Variants in QRSL1 observed in about 807,000 individuals in gnomAD.
The protein encoded by QRSL1 is glutaminyl-tRNA amidotransferase subunit QRSL1.
QRSL1 carries 54 observed loss-of-function variants against 61.6 expected under a neutral mutation model. The ratio of observed to expected loss-of-function variants is 0.88; its 90% confidence interval spans 0.70 to 1.10. QRSL1 has a LOEUF of 1.10. QRSL1 is among the 50% of genes least tolerant of loss of function. QRSL1 has a pLI of 0.00. For synonymous variants in QRSL1, 228 were observed against 225.7 expected, an observed-to-expected ratio of 1.01 and a Z score of -0.09; for missense variants, 505 against 622.6, an observed-to-expected ratio of 0.81 and a Z score of 2.01.
At chr6:106,646,469 A>G (rs539623175) in intron 4 of QRSL1, among the ~76,000 whole-genome samples, 1 of 152,162 alleles carries the variant, frequency 6.6e-6, no homozygotes, top group Non-Finnish European at 1.5e-5. Flanking sequence ...GATAAGAGAT[A>G]AAGAAAGTAA....
At chr6:106,631,356 AAG>A (rs1192370138) in intron 1 of QRSL1, among the ~76,000 whole-genome samples, 1 of 152,262 alleles carries the variant, frequency 6.6e-6, no homozygotes, top group East Asian at 1.9e-4. Flanking sequence ...AAGTAACAGA[AAG>A]AGACTCTAAA....
chr6:106,648,281 C>A (rs1039764694), intron 4 of QRSL1, among the ~76,000 whole-genome samples: 8 of 151,432 alleles, frequency 5.3e-5, no homozygotes, highest in African/African-American at 1.7e-4. Context: ...GCCAGTAGAG[C>A]GAGACTCGTC....
chr6:106,652,920 G>A, intron 7 of QRSL1: 2 of 601,030 alleles, frequency 3.3e-6, no homozygotes, highest in Non-Finnish European at 5.5e-6. Flanking sequence ...TGAGAAAGCA[G>A]CCACAGACAA....
At chr6:106,654,659 C>T (rs1488502009) in intron 7 of QRSL1, 71 bp from the exon 8 acceptor site, 2 of 1,298,198 alleles carry the variant, frequency 1.5e-6, no homozygotes, top group Non-Finnish European at 2.1e-6. Flanking sequence ...ATCATCTATA[C>T]AGATGAAGTA....
intron 1 of QRSL1, among the ~76,000 whole-genome samples, chr6:106,637,088 C>T (rs1187163228): frequency 6.6e-6 from 1 of 152,220 alleles, no homozygotes; most frequent in Non-Finnish European, 1.5e-5. Flanking sequence ...AGAGTTCCAT[C>T]TGGAGCTCCA....
At chr6:106,652,118 TAC>T (rs1777195075) in intron 5 of QRSL1, 89 bp from the exon 6 acceptor site, 1 of 1,280,546 alleles carries the variant, frequency 7.8e-7, no homozygotes, top group Non-Finnish European at 1.1e-6. Flanking sequence ...CAGAGGAAAA[TAC>T]AGTTTAAAAA....
intron 1 of QRSL1, among the ~76,000 whole-genome samples, chr6:106,632,389 T>C (rs537444234): frequency 6.7e-6 from 1 of 149,342 alleles, no homozygotes; most frequent in East Asian, 1.9e-4. Flanking sequence ...TTTTTAATTA[T>C]TTTTTTTTTA....
At position 106,636,566 on chromosome 6, in the gene QRSL1, G is replaced by A. The variant is rs183599603; in HGVS notation, c.25-3783G>A. 1.7e-3 allele frequency among the ~76,000 whole-genome samples: 263 copies of A among 152,128 alleles called. 1 individual carries two copies. Among genetic ancestry groups the A allele is most frequent in the African/African-American group, 6.0e-3 (250 of 41,498 alleles). On this transcript the variant is annotated intron_variant, in intron 1 of 10. Transcript: ENST00000369046. ...GATCTCTTGACCTTGTAATCTGCCC[G>A]CCTTGGCCTCCCAAAGTGCTGGGAT... is the stretch of plus-strand genomic sequence containing the variant.
rs568540987 is a variant in QRSL1, at chr6:106,632,378, A to G, written c.24+2673A>G. Among the ~76,000 whole-genome samples, 32 of 151,498 alleles carry G rather than the reference A, an allele frequency of 2.1e-4. No homozygotes were observed. The South Asian group carries it at 6.7e-3, about 32-fold the overall frequency. On this transcript the variant is annotated intron_variant, in intron 1 of 10. Coordinates refer to ENST00000369046, the MANE Select transcript of QRSL1 (RefSeq NM_018292.5). ...ATGGTAGTTCTATTTTTATTTATTT[A>G]TTTTTAATTATTTTTTTTTTAGAGA...
rs139097179 is a variant in QRSL1 at position 106,654,743 on chromosome 6, C to G, written c.863C>G (p.Pro288Arg). Reference sequence around the variant, plus strand: ...TTTTGCTATAAGGAATATCTTGTACCGGAATTATCAAGTGAAGTACAGTCT... The same window carrying G: ...TTTTGCTATAAGGAATATCTTGTACGGGAATTATCAAGTGAAGTACAGTCT... ...CIGIPKEYLVPELSSEVQSLW... is the reference protein window; with the variant it reads ...CIGIPKEYLVRELSSEVQSLW... Residue 288 changes from proline (P) to arginine (R), a missense_variant, in exon 8 of 11, where the codon CCG becomes CGG. Transcript: ENST00000369046. 6.2e-7 allele frequency: 1 copy of G among 1,609,336 alleles called. No homozygotes were observed. Among genetic ancestry groups the G allele is most frequent in the East Asian group, 2.2e-5 (1 of 44,846 alleles).
At chr6:106,640,656 T>C in intron 2 of QRSL1, 148 bp downstream of exon 2, 1 of 955,684 alleles carries the variant, frequency 1.0e-6, no homozygotes, top group African/African-American at 1.7e-5. Context: ...ATGAGGGTAA[T>C]GGCTATGTGA....
chr6:106,654,873 C>T lies in QRSL1; in HGVS notation c.993C>T (p.Cys331=), dbSNP rs779438576. ...SYSIVCYHVL[C]TSEVASNMAR... The stretch of plus-strand genomic sequence containing the variant: ...CAATTGTCTGCTACCATGTATTGTG[C>T]ACATCAGAAGTGGCATCGAATATGG... Residue 331 remains cysteine, a synonymous_variant, in exon 8 of 11, where the codon TGC becomes TGT. Coordinates refer to ENST00000369046, the MANE Select transcript of QRSL1 (RefSeq NM_018292.5). The T allele has an allele frequency of 1.2e-6, 2 of 1,612,960 alleles. No homozygotes were observed. Among genetic ancestry groups the T allele is most frequent in the East Asian group, 2.2e-5 (1 of 44,862 alleles).
intron 9 of QRSL1, among the ~76,000 whole-genome samples, chr6:106,660,330 A>G (rs1275219494): frequency 8.9e-6 from 1 of 112,346 alleles, no homozygotes; most frequent in African/African-American, 3.4e-5. Context: ...AACACTCCCC[A>G]CCCCCCCCGT....
intron 1 of QRSL1, among the ~76,000 whole-genome samples, chr6:106,635,505 C>A (rs1368192266): frequency 6.6e-6 from 1 of 151,104 alleles, no homozygotes; most frequent in African/African-American, 2.5e-5. Context: ...AGGATGAGTA[C>A]CCATCACTGG....
chr6:106,663,335 A>G, intron 10 of QRSL1, 150 bp downstream of exon 10: 1 of 668,458 alleles, frequency 1.5e-6, no homozygotes, highest in Non-Finnish European at 2.6e-6. Flanking sequence ...TACATGTATT[A>G]GTCTGTTCTC....
intron 10 of QRSL1, among the ~76,000 whole-genome samples, chr6:106,663,820 T>C (rs1777396344): frequency 6.6e-6 from 1 of 152,144 alleles, no homozygotes. Flanking sequence ...TAACTTTTAT[T>C]TTGAAAAATT....
Position 106,654,710 on chromosome 6 carries a change from TCTTGA to T in QRSL1, c.850-16_850-12del. 6.3e-7 allele frequency: 1 copy of T among 1,588,486 alleles called. No individual in the cohort carries two copies. ...TAATCTATACAGTTCCAATTTTGTA[TCTTGA>T]CTTTTTGCTATAAGGAATATCTTGT... On this transcript the variant is annotated splice_polypyrimidine_tract_variant and intron_variant, in intron 7 of 10. Transcript: ENST00000369046.
At chr6:106,640,650 G>A (rs1234543844) in intron 2 of QRSL1, 142 bp downstream of exon 2, 9 of 962,680 alleles carry the variant, frequency 9.3e-6, no homozygotes, top group East Asian at 5.1e-5. Flanking sequence ...ATAAAAATGA[G>A]GGTAATGGCT....
rs889788759 is a variant in QRSL1 at position 106,665,784 on chromosome 6, T to C, written c.1369T>C (p.Leu457=). The C allele has an allele frequency of 3.7e-6, 6 of 1,613,838 alleles. No homozygotes were observed. In the South Asian group the frequency reaches 5.5e-5, roughly 15 times the overall value. ...ACTGGGTTTCCTTCTTTTCCCAGGA[T>C]TGCCAGCAGTGAGTATCCCTGTTGC... ...IFTQAVNMAG[L]PAVSIPVALS... is the part of the protein sequence containing the mutation. The change falls in exon 11 of 11, where the codon TTG becomes CTG. Residue 457 remains leucine (L), a splice_region_variant and synonymous_variant. Transcript: ENST00000369046.
Sources: gnomAD v4.1 joint callset for allele counts (sites outside exome capture counted in the v4.1 genomes callset) on GRCh38, gnomAD v4.1.1 for gene constraint, MANE v1.5 for transcripts, NCBI Gene and HGNC (gene_info 2026-07-23, HGNC 2026-07-21) for gene names.